The following NOS3 variants were observed in gnomAD, a reference collection of about 807,000 sequenced individuals.
The protein encoded by NOS3 is nitric oxide synthase 3.
A neutral mutation model predicts 144.9 loss-of-function variants in NOS3; 98 were observed. The ratio of observed to expected loss-of-function variants is 0.68; its 90% CI spans 0.57 to 0.80. The LOEUF (loss-of-function observed/expected upper bound fraction) is 0.80, where lower values mean the gene tolerates loss of function less well. NOS3 is among the 30% of genes least tolerant of loss of function. The probability of loss-of-function intolerance (pLI) is 0.00; values close to 1 mark genes in which losing one functional copy is unlikely to be tolerated. For missense variants in NOS3, 1,465 were observed against 1,656.4 expected (o/e 0.88, Z 2.01); for synonymous variants, 714 against 702.4 (o/e 1.02, Z -0.26).
intron 25 of NOS3, 63 bp from the exon 26 acceptor site, chr7:151,013,661 G>A: frequency 7.1e-7 from 1 of 1,411,156 alleles, no homozygotes; most frequent in Non-Finnish European, 9.5e-7. Flanking sequence ...CCAGCCAGCA[G>A]CCCCGGGCTG....
chr7:151,002,098 T>A lies in NOS3; in HGVS notation c.1648-102T>A. ...ACCCGGAACCACAGGTGTTCAGAGATCAAGTTGGGGCCTGAATCTTGCACT... is the reference window on the plus strand; with the variant it reads ...ACCCGGAACCACAGGTGTTCAGAGAACAAGTTGGGGCCTGAATCTTGCACT... On this transcript the variant is annotated intron_variant, in intron 13 of 26. Transcript: ENST00000297494. The surrounding 1 kb of genome is among the most constrained non-coding windows in gnomAD (Gnocchi z 4.1). 2.1e-6 allele frequency: 3 copies of A among 1,424,190 alleles called. No homozygotes were observed. The highest frequency in any genetic ancestry group is 2.9e-6 in the Non-Finnish European group (3 of 1,031,118). 88.2% of individuals were successfully genotyped at this position (1,424,190 alleles called of 1,614,324 possible). A position where few individuals can be genotyped will look rare whatever the true frequency, so the allele number is the denominator to read the frequency against.
rs886496591 is a variant in NOS3 at position 150,993,033 on chromosome 7, G to A, written c.-51-720G>A. Among the ~76,000 whole-genome samples, 2 of 152,154 alleles carry A rather than the reference G, an allele frequency of 1.3e-5. No homozygotes were observed. The highest frequency in any genetic ancestry group is 2.4e-5 in the African/African-American group (1 of 41,444). Reference sequence around the variant, plus strand: ...GCCCTAGTCTCTCTGCTGACCTGCGGCCCCGGGAAGCGTGCGTCACTGAAT... The same window carrying A: ...GCCCTAGTCTCTCTGCTGACCTGCGACCCCGGGAAGCGTGCGTCACTGAAT... On this transcript the variant is annotated intron_variant, in intron 1 of 26. Coordinates refer to ENST00000297494, the MANE Select transcript of NOS3 (RefSeq NM_000603.5). The surrounding 1 kb of genome is among the most constrained non-coding windows in gnomAD (Gnocchi z 4.0).
Position 151,001,558 on chromosome 7 carries a change from G to C in NOS3, c.1443G>C (p.Lys481Asn). Reference protein sequence around the residue: ...PAFRYQPDPWKGSAAKGTGIT... With the variant: ...PAFRYQPDPWNGSAAKGTGIT... ...TCTCTCTGCAGCCAGACCCCTGGAA[G>C]GGGAGTGCCGCCAAGGGCACCGGCA... The change falls in exon 12 of 27, where the codon AAG becomes AAC. Residue 481 changes from lysine (K) to asparagine (N), a missense_variant. Lys to Asn is a moderately conservative substitution (Grantham distance 94). Coordinates refer to ENST00000297494, the MANE Select transcript of NOS3 (RefSeq NM_000603.5). The C allele has an allele frequency of 6.2e-7, 1 of 1,614,020 alleles. No individual in the cohort carries two copies. Among genetic ancestry groups the C allele is most frequent in the Non-Finnish European group, 8.5e-7 (1 of 1,180,002 alleles).
At position 151,014,246 on chromosome 7, in the gene NOS3, C is replaced by A; in HGVS notation, c.*77C>A. 1 of 1,399,128 alleles carries A rather than the reference C, an allele frequency of 7.1e-7. No individual in the cohort carries two copies. Among genetic ancestry groups the A allele is most frequent in the Non-Finnish European group, 9.7e-7 (1 of 1,035,496 alleles). 86.7% of individuals were successfully genotyped at this position (1,399,128 alleles called of 1,614,324 possible). Reference sequence around the variant, plus strand: ...GTCCGCCCGACCAGGATCAGCCCCGCTCCTCCCCTCTTGAGGTGGTGCCTT... The same window carrying A: ...GTCCGCCCGACCAGGATCAGCCCCGATCCTCCCCTCTTGAGGTGGTGCCTT... On this transcript the variant is annotated 3_prime_UTR_variant, in exon 27 of 27. Coordinates refer to ENST00000297494, the MANE Select transcript of NOS3 (RefSeq NM_000603.5).
At chr7:151,011,822 A>C in intron 23 of NOS3, 1 of 443,796 alleles carries the variant, frequency 2.3e-6, no homozygotes, top group East Asian at 7.7e-5. Flanking sequence ...CCGCGCCCGG[A>C]CCGAGGGTGA....
chr7:150,999,976 AGGCGAGTGTGGGTTTGTGGGGTGTGTAGG>A (rs1795047974), intron 9 of NOS3, among the ~76,000 whole-genome samples: 1 of 112,252 alleles, frequency 8.9e-6, no homozygotes, highest in Admixed American at 9.3e-5. Flanking sequence ...TTGTAGGGGT[AGGCGAGTGTGGGTTTGTGGGGTGTGTAGG>A]GGCGAGTGTG....
chr7:151,011,351 G>A (rs1795299913), intron 23 of NOS3, among the ~76,000 whole-genome samples: 1 of 99,164 alleles, frequency 1.0e-5, no homozygotes, highest in African/African-American at 2.9e-5. Context: ...AGAACTACTA[G>A]TTAGGGTTAA....
chr7:151,000,710 G>A, intron 10 of NOS3, 111 bp downstream of exon 10: 1 of 721,990 alleles, frequency 1.4e-6, no homozygotes, highest in South Asian at 1.6e-5. Flanking sequence ...ATTTGGACAG[G>A]CAGAAGAAGT....
chr7:151,014,403 C>G lies in NOS3; in HGVS notation c.*234C>G. ...TAATCTGGAAGGCCCCTCCCAGCAG[C>G]GGTACCCCAGGGCCTACTGCCACCC... On this transcript the variant is annotated 3_prime_UTR_variant, in exon 27 of 27. Coordinates refer to ENST00000297494, the MANE Select transcript of NOS3 (RefSeq NM_000603.5). The G allele has an allele frequency of 2.0e-6, 1 of 508,930 alleles. No homozygotes were observed. The highest frequency in any genetic ancestry group is 3.5e-6 in the Non-Finnish European group (1 of 289,572). 31.5% of individuals were successfully genotyped at this position (508,930 alleles called of 1,614,324 possible).
intron 17 of NOS3, 24 bp from the exon 18 acceptor site, chr7:151,008,906 A>G (rs781533433): frequency 3.1e-6 from 5 of 1,595,774 alleles, no homozygotes; most frequent in Non-Finnish European, 4.3e-6. Flanking sequence ...GGAGGTCCTC[A>G]GCCCTCACCG....
chr7:151,007,014 C>T lies in NOS3; in HGVS notation c.1937+9C>T, dbSNP rs767928608. ...GCCCTGGGCACCCTCAGGTCAGGGC[C>T]TCACCAAGAGGGGTGCAACGGGTGG... is the stretch of plus-strand genomic sequence containing the variant. On this transcript the variant is annotated intron_variant, in intron 16 of 26. Transcript: ENST00000297494. 1.2e-6 allele frequency: 2 copies of T among 1,613,858 alleles called. No homozygotes were observed. The highest frequency in any genetic ancestry group is 1.7e-6 in the Non-Finnish European group (2 of 1,179,788).
In NOS3 at chr7:151,012,777, G is replaced by A. The variant is rs1795334760; in HGVS notation, c.3106+305G>A. 10 of 355,098 alleles carry A rather than the reference G, an allele frequency of 2.8e-5. No homozygotes were observed. The South Asian group carries it at 3.8e-4, about 14-fold the overall frequency. The allele number at this position is 355,098 out of a possible 1,614,324, so 22.0% of individuals were successfully genotyped here. ...CTGCCCAAGGTGGATTCTTGACTGT[G>A]CCAGAGCTGACCGAGGTCTGTCCAA... is the stretch of plus-strand genomic sequence containing the variant. On this transcript the variant is annotated intron_variant, in intron 24 of 26. Coordinates refer to ENST00000297494, the MANE Select transcript of NOS3 (RefSeq NM_000603.5).
chr7:151,002,147 G>A lies in NOS3; in HGVS notation c.1648-53G>A, dbSNP rs887418624. 23 of 1,430,816 alleles carry A rather than the reference G, an allele frequency of 1.6e-5. No individual in the cohort carries two copies. The highest frequency in any genetic ancestry group is 2.0e-5 in the Non-Finnish European group (21 of 1,031,854). The allele number at this position is 1,430,816 out of a possible 1,614,324, so 88.6% of individuals were successfully genotyped here. On this transcript the variant is annotated intron_variant, in intron 13 of 26. Coordinates refer to ENST00000297494, the MANE Select transcript of NOS3 (RefSeq NM_000603.5). This position sits in a 1 kb window ranked among gnomAD's most constrained non-coding sequence, Gnocchi z 4.1. ...CTGCCAGGGAGGCCAGAGTGAGGAG[G>A]GCAGGGCCTCCGGGGGCCACAGCAC...
At position 150,991,203 on chromosome 7, in the gene NOS3, A is replaced by C. The variant is rs1157020475; in HGVS notation, c.-149A>C. On this transcript the variant is annotated 5_prime_UTR_variant, in exon 1 of 27. Coordinates refer to ENST00000297494, the MANE Select transcript of NOS3 (RefSeq NM_000603.5). Reference sequence around the variant, plus strand: ...TTACAGGCTAAAACCTTAGAAGAGGAATTTATTATATCCTACACAAGACTC... The same window carrying C: ...TTACAGGCTAAAACCTTAGAAGAGGCATTTATTATATCCTACACAAGACTC... 5 of 152,176 alleles carry C rather than the reference A, an allele frequency of 3.3e-5. No individual in the cohort carries two copies. The highest frequency in any genetic ancestry group is 2.1e-4 in the South Asian group (1 of 4,826). 9.4% of individuals were successfully genotyped at this position (152,176 alleles called of 1,614,324 possible). A position where few individuals can be genotyped will look rare whatever the true frequency, so the allele number is the denominator to read the frequency against.
Position 150,993,067 on chromosome 7 carries a change from G to T in NOS3, c.-51-686G>T, listed in dbSNP as rs1802288683. On this transcript the variant is annotated intron_variant, in intron 1 of 26. Transcript: ENST00000297494. This position sits in a 1 kb window ranked among gnomAD's most constrained non-coding sequence, Gnocchi z 4.0. ...AGCGTGCGTCACTGAATGACAGGGT[G>T]GGGGTGGAGGCACTGGAAGGCAGCT... is the stretch of plus-strand genomic sequence containing the variant. 6.6e-6 allele frequency among the ~76,000 whole-genome samples: 1 copy of T among 152,200 alleles called. No individual in the cohort carries two copies. Among genetic ancestry groups the T allele is most frequent in the Non-Finnish European group, 1.5e-5 (1 of 68,050 alleles).
At chr7:150,994,006 T>C in intron 2 of NOS3, 45 bp downstream of exon 2, 1 of 1,526,036 alleles carries the variant, frequency 6.6e-7, no homozygotes, top group Admixed American at 2.1e-5. Context: ...AAGGGTGGTG[T>C]CAAGGCCTGA....
chr7:151,006,374 T>C, intron 14 of NOS3, 53 bp from the exon 15 acceptor site: 2 of 1,255,822 alleles, frequency 1.6e-6, no homozygotes, highest in African/African-American at 1.5e-5. Flanking sequence ...TAAACTTCTA[T>C]GTAGTTTGAA....
intron 23 of NOS3, among the ~76,000 whole-genome samples, chr7:151,011,302 C>T (rs1795299158): frequency 6.6e-6 from 1 of 151,942 alleles, no homozygotes; most frequent in Admixed American, 6.6e-5. Context: ...AGCATGGCAC[C>T]TGGGAACTAC....
chr7:151,009,365 A>T, intron 19 of NOS3, 33 bp from the exon 20 acceptor site: 1 of 645,338 alleles, frequency 1.5e-6, no homozygotes, highest in Non-Finnish European at 2.4e-6. Context: ...CCCCTCTCTG[A>T]CTCCCCATAA....
Sources: gnomAD v4.1 joint callset for allele counts (sites outside exome capture counted in the v4.1 genomes callset) on GRCh38, gnomAD v4.1.1 for gene constraint, Gnocchi (gnomAD v3.1) non-coding constraint, MANE v1.5 for transcripts, NCBI Gene and HGNC (gene_info 2026-07-23, HGNC 2026-07-21) for gene names.